ARHGAP18: variants seen among roughly 807,000 people sequenced by gnomAD.
ARHGAP18 encodes Rho GTPase activating protein 18, also known as rho GTPase-activating protein 18.
In ARHGAP18, 67 loss-of-function variants were observed where a neutral mutation model predicts 86.2. The ratio of observed to expected loss-of-function variants is 0.78; its 90% confidence interval spans 0.64 to 0.95. The LOEUF is 0.95. Ranked by LOEUF, ARHGAP18 falls within the 40% of genes least tolerant of loss-of-function variation. The probability of loss-of-function intolerance (pLI) is 0.00; values close to 1 mark genes in which losing one functional copy is unlikely to be tolerated. For synonymous variants in ARHGAP18, 283 were observed against 280.4 expected (o/e 1.01, Z -0.09); for missense variants, 691 against 780.4 (o/e 0.89, Z 1.37).
At chr6:129,640,236 AT>A (rs1244544977) in intron 2 of ARHGAP18, among the ~76,000 whole-genome samples, 1 of 152,194 alleles carries the variant, frequency 6.6e-6, no homozygotes, top group Admixed American at 6.5e-5. Flanking sequence ...AACTTAAACA[AT>A]TTAAAGTCTA....
intron 1 of ARHGAP18, among the ~76,000 whole-genome samples, chr6:129,682,568 T>C (rs952889422): frequency 6.6e-6 from 1 of 152,244 alleles, no homozygotes; most frequent in Non-Finnish European, 1.5e-5. Context: ...ACATTAGTGT[T>C]AGTCGAATTC....
chr6:129,676,950 A>G (rs539290876), intron 1 of ARHGAP18, among the ~76,000 whole-genome samples: 30 of 102,820 alleles, frequency 2.9e-4, no homozygotes, highest in African/African-American at 1.2e-3. Context: ...TTTTTTTTTA[A>G]GGAAGGAAAA....
intron 1 of ARHGAP18, among the ~76,000 whole-genome samples, chr6:129,671,228 G>T (rs1300293368): frequency 6.6e-6 from 1 of 152,088 alleles, no homozygotes; most frequent in Non-Finnish European, 1.5e-5. Context: ...TTTAAAATAG[G>T]TTTCTCAATA....
intron 5 of ARHGAP18, among the ~76,000 whole-genome samples, chr6:129,627,041 GA>G (rs1189713359): frequency 6.6e-6 from 1 of 151,952 alleles, no homozygotes; most frequent in Admixed American, 6.6e-5. Context: ...TCTAGGTCTG[GA>G]ACAGAAAATA....
Position 129,607,974 on chromosome 6 carries a change from T to C in ARHGAP18, c.1201A>G (p.Ser401Gly), listed in dbSNP as rs1788888497. 6.2e-7 allele frequency: 1 copy of C among 1,608,940 alleles called. No individual in the cohort carries two copies. Among genetic ancestry groups the C allele is most frequent in the African/African-American group, 1.3e-5 (1 of 74,106 alleles). ...TCCCGAATGAAGAGCTTCAGCAGGC[T>C]GGCGGCATCATGCTGTTTGACACTT... ...WESVKQHDAA[S>G]LLKLFIRELP... Residue 401 changes from serine to glycine, a missense_variant, in exon 9 of 15, where the codon AGC (serine) becomes GGC (glycine). Coordinates refer to ENST00000368149, the MANE Select transcript of ARHGAP18 (RefSeq NM_033515.3).
At position 129,607,951 on chromosome 6, in the gene ARHGAP18, C is replaced by T; in HGVS notation, c.1224G>A (p.Arg408=). The change falls in exon 9 of 15, where the codon CGG becomes CGA. Residue 408 remains arginine (R), a synonymous_variant. Coordinates refer to ENST00000368149, the MANE Select transcript of ARHGAP18 (RefSeq NM_033515.3). ...DAASLLKLFI[R]ELPQPLLSVE... ...CACTGAGCAGTGGCTGGGGCAACTC[C>T]CGAATGAAGAGCTTCAGCAGGCTGG... is the stretch of plus-strand genomic sequence containing the variant. The T allele has an allele frequency of 6.2e-7, 1 of 1,613,408 alleles. No homozygotes were observed. Among genetic ancestry groups the T allele is most frequent in the Non-Finnish European group, 8.5e-7 (1 of 1,179,744 alleles).
chr6:129,603,308 G>A (rs893636731), intron 10 of ARHGAP18, among the ~76,000 whole-genome samples: 4 of 152,084 alleles, frequency 2.6e-5, no homozygotes, highest in African/African-American at 9.7e-5. Context: ...CCAAGTTGTT[G>A]CAGAGGCCAT....
chr6:129,605,937 T>C lies in ARHGAP18; in HGVS notation c.1305A>G (p.Gln435=). 1.9e-6 allele frequency: 3 copies of C among 1,613,588 alleles called. No individual in the cohort carries two copies. The highest frequency in any genetic ancestry group is 1.7e-5 in the Admixed American group (1 of 60,004). Residue 435 remains glutamine, a synonymous_variant, in exon 10 of 15, where the codon CAA becomes CAG. Coordinates refer to ENST00000368149, the MANE Select transcript of ARHGAP18 (RefSeq NM_033515.3). ...AVQNLPTKKQ[Q]LQALNLLVIL... Reference sequence around the variant, plus strand: ...TGACAAGAAGGTTCAAAGCCTGTAGTTGCTGCTTCTTGGTTGGAAGATCTG... The same window carrying C: ...TGACAAGAAGGTTCAAAGCCTGTAGCTGCTGCTTCTTGGTTGGAAGATCTG...
At chr6:129,637,797 T>C (rs190813241) in intron 3 of ARHGAP18, among the ~76,000 whole-genome samples, 1 of 152,350 alleles carries the variant, frequency 6.6e-6, no homozygotes, top group Admixed American at 6.5e-5. Flanking sequence ...CTGGAGTCTC[T>C]CTGAATGTGC....
At chr6:129,654,924 C>G (rs576161267) in intron 1 of ARHGAP18, among the ~76,000 whole-genome samples, 1 of 152,338 alleles carries the variant, frequency 6.6e-6, no homozygotes, top group East Asian at 1.9e-4. Context: ...GAGGTCTGAG[C>G]TACCCATGCC....
chr6:129,612,807 G>A (rs1789006432), intron 7 of ARHGAP18, among the ~76,000 whole-genome samples: 1 of 152,110 alleles, frequency 6.6e-6, no homozygotes, highest in Non-Finnish European at 1.5e-5. Context: ...GTTATATTAT[G>A]GCCAAAGATG....
chr6:129,605,055 G>A (rs1788824767), intron 10 of ARHGAP18, among the ~76,000 whole-genome samples: 1 of 152,042 alleles, frequency 6.6e-6, no homozygotes, highest in African/African-American at 2.4e-5. Context: ...AAAATGAAGA[G>A]GGTAAAGAAG....
At chr6:129,596,323 A>C (rs745761004) in intron 12 of ARHGAP18, among the ~76,000 whole-genome samples, 1 of 151,974 alleles carries the variant, frequency 6.6e-6, no homozygotes, top group Non-Finnish European at 1.5e-5. Context: ...TTTTTCACAG[A>C]CTATTCTTTC....
At chr6:129,645,034 A>C (rs1773550020) in intron 1 of ARHGAP18, among the ~76,000 whole-genome samples, 1 of 152,172 alleles carries the variant, frequency 6.6e-6, no homozygotes, top group Admixed American at 6.5e-5. Flanking sequence ...ATCACTGGTA[A>C]ATACTGCAAG....
intron 1 of ARHGAP18, among the ~76,000 whole-genome samples, chr6:129,700,575 C>T (rs572023426): frequency 2.2e-4 from 33 of 152,322 alleles, no homozygotes; most frequent in African/African-American, 7.5e-4. Flanking sequence ...TCCCAAATGA[C>T]TTACAAATTA....
chr6:129,685,519 T>C (rs1012660569), intron 1 of ARHGAP18, among the ~76,000 whole-genome samples: 15 of 151,838 alleles, frequency 9.9e-5, no homozygotes, highest in Admixed American at 9.8e-4. Context: ...AAAAAAAAAA[T>C]TGTGAAATAT....
chr6:129,646,823 C>T (rs12206395), intron 1 of ARHGAP18, among the ~76,000 whole-genome samples: 25,775 of 152,010 alleles, frequency 0.17, 2,680 homozygotes, highest in African/African-American at 0.3. Flanking sequence ...AACATCTTAG[C>T]GTTATTATGA....
At chr6:129,619,593 G>A (rs1789183133) in intron 5 of ARHGAP18, among the ~76,000 whole-genome samples, 1 of 117,894 alleles carries the variant, frequency 8.5e-6, no homozygotes, top group African/African-American at 3.3e-5. Context: ...AAGGGGAGCA[G>A]GGAAGGGGAG....
At chr6:129,709,613 G>T (rs1382252209) in intron 1 of ARHGAP18, among the ~76,000 whole-genome samples, 1 of 152,234 alleles carries the variant, frequency 6.6e-6, no homozygotes, top group Non-Finnish European at 1.5e-5. Flanking sequence ...ACAGTACAGT[G>T]AACAGCCTCC....
Sources: gnomAD v4.1 joint callset for allele counts (sites outside exome capture counted in the v4.1 genomes callset) on GRCh38, gnomAD v4.1.1 for gene constraint, MANE v1.5 for transcripts, NCBI Gene and HGNC (gene_info 2026-07-23, HGNC 2026-07-21) for gene names.